Variants in AFF3 observed in about 807,000 individuals in gnomAD.
AFF3 encodes ALF transcription elongation factor 3, also known as AF4/FMR2 family member 3.
In AFF3, 32 loss-of-function variants were observed where a neutral mutation model predicts 129.7. The observed-to-expected ratio is 0.25, with a 90% CI of 0.19 to 0.33. AFF3 has a LOEUF of 0.33. Among genes scored for constraint, AFF3 ranks in the 10% least tolerant of loss-of-function variants. The pLI is 1.00. For synonymous variants in AFF3, 644 were observed against 635.4 expected, an observed-to-expected ratio of 1.01 and a Z score of -0.20; for missense variants, 1,373 against 1,592.0, an observed-to-expected ratio of 0.86 and a Z score of 2.34.
intron 11 of AFF3, among the ~76,000 whole-genome samples, chr2:99,721,783 G>T (rs1218747493): frequency 1.3e-5 from 2 of 152,174 alleles, no homozygotes; most frequent in Non-Finnish European, 2.9e-5. Flanking sequence ...CTTGCAGCTT[G>T]CTGAGCTTCT....
Position 99,686,823 on chromosome 2 carries a change from C to T in AFF3, c.1092-14234G>A, listed in dbSNP as rs568228559. 2.2e-3 allele frequency among the ~76,000 whole-genome samples: 341 copies of T among 152,310 alleles called. 2 individuals are homozygous for T. Among genetic ancestry groups the T allele is most frequent in the African/African-American group, 7.8e-3 (323 of 41,568 alleles). ...GAAGCAGAGATGAGACTGTCTGATCCACTCCAGGCAGCATGGTCCCTAAAG... is the reference window on the plus strand; with the variant it reads ...GAAGCAGAGATGAGACTGTCTGATCTACTCCAGGCAGCATGGTCCCTAAAG... On this transcript the variant is annotated intron_variant, in intron 11 of 24. Transcript: ENST00000672756.
intron 12 of AFF3, among the ~76,000 whole-genome samples, chr2:99,662,723 T>C (rs771078554): frequency 5.3e-5 from 8 of 152,230 alleles, no homozygotes; most frequent in Non-Finnish European, 1.2e-4. Context: ...AAACTTCATT[T>C]TGGAGCCTTG....
At chr2:99,554,103 T>C (rs1674686841) in intron 24 of AFF3, among the ~76,000 whole-genome samples, 1 of 152,164 alleles carries the variant, frequency 6.6e-6, no homozygotes, top group African/African-American at 2.4e-5. Context: ...TGTGACTGTA[T>C]AATCAATGTA....
chr2:100,031,352 A>C (rs949910768), intron 4 of AFF3, among the ~76,000 whole-genome samples: 6 of 152,236 alleles, frequency 3.9e-5, no homozygotes, highest in Admixed American at 2.0e-4. Context: ...TCCATGTGAT[A>C]AATGGATTAG....
intron 13 of AFF3, among the ~76,000 whole-genome samples, chr2:99,603,976 T>A (rs962321582): frequency 1.3e-5 from 2 of 152,040 alleles, no homozygotes; most frequent in Non-Finnish European, 2.9e-5. Context: ...CCAAAAATAA[T>A]AGGTGTTGGC....
chr2:100,025,374 A>C (rs1053382118), intron 4 of AFF3, among the ~76,000 whole-genome samples: 1 of 152,198 alleles, frequency 6.6e-6, no homozygotes, highest in Non-Finnish European at 1.5e-5. Context: ...GGAAAACTAC[A>C]AAACACTGCT....
chr2:99,770,080 G>A lies in AFF3; in HGVS notation c.922-17779C>T, dbSNP rs141725534. On this transcript the variant is annotated intron_variant, in intron 8 of 24. Coordinates refer to ENST00000672756, the MANE Select transcript of AFF3 (RefSeq NM_001386135.1). Reference sequence around the variant, plus strand: ...TTTGTGTCTTTCCCTTCAGGGCAGCGAGTTCCCCCAGCTGGGTCCAGAGAT... The same window carrying A: ...TTTGTGTCTTTCCCTTCAGGGCAGCAAGTTCCCCCAGCTGGGTCCAGAGAT... Among the ~76,000 whole-genome samples, 1,101 of 152,096 alleles carry A rather than the reference G, an allele frequency of 7.2e-3. 12 individuals carry two copies. The highest frequency in any genetic ancestry group is 0.025 in the African/African-American group (1,035 of 41,490).
At chr2:99,879,005 T>C (rs1435049876) in intron 7 of AFF3, among the ~76,000 whole-genome samples, 1 of 152,212 alleles carries the variant, frequency 6.6e-6, no homozygotes, top group Non-Finnish European at 1.5e-5. Flanking sequence ...TGTCAGAATT[T>C]TTTTATGTGC....
intron 8 of AFF3, among the ~76,000 whole-genome samples, chr2:99,812,975 C>T (rs1461559770): frequency 2.0e-5 from 3 of 152,044 alleles, no homozygotes; most frequent in African/African-American, 4.8e-5. Flanking sequence ...ATTCATTACC[C>T]TATTTCTCGC....
intron 8 of AFF3, among the ~76,000 whole-genome samples, chr2:99,793,241 C>T (rs756650864): frequency 1.3e-5 from 2 of 152,206 alleles, no homozygotes; most frequent in African/African-American, 2.4e-5. Flanking sequence ...CAATGTGACA[C>T]GCCTGCTCCC....
rs1457526757 is a variant in AFF3, at chr2:100,007,032, G to C, written c.488-15C>G. 4 of 1,596,274 alleles carry C rather than the reference G, an allele frequency of 2.5e-6. No individual in the cohort carries two copies. The highest frequency in any genetic ancestry group is 3.4e-6 in the Non-Finnish European group (4 of 1,170,218). ...GCCCTGTTGTGCTGAGTTGGAAGAA[G>C]AAGAAGAGGAAGATAAGGATGAGGG... On this transcript the variant is annotated splice_polypyrimidine_tract_variant and intron_variant, in intron 6 of 24. Transcript: ENST00000672756.
intron 11 of AFF3, among the ~76,000 whole-genome samples, chr2:99,688,441 T>C (rs1408397898): frequency 6.6e-6 from 1 of 152,226 alleles, no homozygotes; most frequent in East Asian, 1.9e-4. Context: ...TTCCAAATTA[T>C]AGGTATCTGC....
At chr2:100,081,133 G>T (rs1038954015) in intron 4 of AFF3, among the ~76,000 whole-genome samples, 8 of 152,166 alleles carry the variant, frequency 5.3e-5, no homozygotes, top group Non-Finnish European at 1.2e-4. Flanking sequence ...GGCGACAAGG[G>T]TTAGGAATTA....
chr2:99,645,124 C>G (rs1684576236), intron 13 of AFF3, among the ~76,000 whole-genome samples: 1 of 152,136 alleles, frequency 6.6e-6, no homozygotes, highest in Non-Finnish European at 1.5e-5. Flanking sequence ...CACTTGAGCC[C>G]AGGAGTTCGA....
chr2:100,073,724 C>T (rs868411870), intron 4 of AFF3, among the ~76,000 whole-genome samples: 1 of 152,296 alleles, frequency 6.6e-6, no homozygotes, highest in Non-Finnish European at 1.5e-5. Context: ...GAACAATTGT[C>T]GTTGTCTATA....
intron 7 of AFF3, among the ~76,000 whole-genome samples, chr2:99,994,255 T>A (rs898370209): frequency 1.3e-5 from 2 of 152,072 alleles, no homozygotes; most frequent in African/African-American, 4.8e-5. Flanking sequence ...GGGACTCAAA[T>A]AGAAAGAACG....
At chr2:100,123,856 C>T (rs1692079710) in intron 2 of AFF3, among the ~76,000 whole-genome samples, 1 of 152,066 alleles carries the variant, frequency 6.6e-6, no homozygotes, top group Non-Finnish European at 1.5e-5. Flanking sequence ...CCACCAGGCA[C>T]ATAAAGAGAA....
intron 11 of AFF3, among the ~76,000 whole-genome samples, chr2:99,715,396 C>G (rs1160323614): frequency 6.6e-6 from 1 of 152,132 alleles, no homozygotes; most frequent in Non-Finnish European, 1.5e-5. Context: ...ATTGTTATAA[C>G]AGGAGGAACA....
At chr2:99,814,938 CT>C (rs1482200605) in intron 8 of AFF3, among the ~76,000 whole-genome samples, 1 of 151,016 alleles carries the variant, frequency 6.6e-6, no homozygotes, top group Non-Finnish European at 1.5e-5. Flanking sequence ...CAACCTCTGT[CT>C]CCCAGGTTCA....
Sources: gnomAD v4.1 joint callset for allele counts (sites outside exome capture counted in the v4.1 genomes callset) on GRCh38, gnomAD v4.1.1 for gene constraint, MANE v1.5 for transcripts, NCBI Gene and HGNC (gene_info 2026-07-23, HGNC 2026-07-21) for gene names.